Variants in CRYL1 observed in about 807,000 individuals in gnomAD.
CRYL1 encodes lambda-crystallin homolog.
In CRYL1, 29 loss-of-function variants were observed where a neutral mutation model predicts 36.6. The ratio of observed to expected loss-of-function variants is 0.79; its 90% CI spans 0.59 to 1.08. The LOEUF (loss-of-function observed/expected upper bound fraction) is 1.08. Among genes scored for constraint, CRYL1 ranks in the 50% least tolerant of loss-of-function variants. The pLI, the probability that CRYL1 is intolerant of heterozygous loss-of-function variation, is 0.00. For synonymous variants in CRYL1, 152 were observed against 151.5 expected (o/e 1.00, Z -0.02); for missense variants, 411 against 407.9 (o/e 1.01, Z -0.06).
chr13:20,510,992 C>G (rs539625195), intron 2 of CRYL1, among the ~76,000 whole-genome samples: 10 of 152,236 alleles, frequency 6.6e-5, no homozygotes, highest in African/African-American at 2.4e-4. Context: ...TTCTGAAATG[C>G]CAAGTCCCCT....
chr13:20,428,668 G>A (rs960080757), intron 5 of CRYL1, among the ~76,000 whole-genome samples: 6 of 152,166 alleles, frequency 3.9e-5, no homozygotes, highest in Non-Finnish European at 5.9e-5. Flanking sequence ...AATGCAAGCC[G>A]TCCTTCCATC....
chr13:20,447,015 A>G (rs2032470643), intron 3 of CRYL1, among the ~76,000 whole-genome samples: 1 of 152,238 alleles, frequency 6.6e-6, no homozygotes, highest in African/African-American at 2.4e-5. Flanking sequence ...CCAGCAGCTG[A>G]AATGTTCTAG....
intron 3 of CRYL1, among the ~76,000 whole-genome samples, chr13:20,450,710 G>A (rs2032552729): frequency 6.6e-6 from 1 of 152,084 alleles, no homozygotes; most frequent in South Asian, 2.1e-4. Context: ...CCCATTACTG[G>A]ATATATACCC....
Position 20,420,711 on chromosome 13 carries a change from G to GTTTTTTTTTTTT in CRYL1, c.634-7325_634-7324insAAAAAAAAAAAA. ...TCTTTAAAATAGAGGTTGTGTGTGT[G>GTTTTTTTTTTTT]TGTGTGTGTGTGTGTGTGTGTGTGT... On this transcript the variant is annotated intron_variant, in intron 5 of 7. Coordinates refer to ENST00000298248, the MANE Select transcript of CRYL1 (RefSeq NM_015974.3). Among the ~76,000 whole-genome samples, 2 of 32,248 alleles carry GTTTTTTTTTTTT rather than the reference G, an allele frequency of 6.2e-5. 1 individual carries two copies. Among genetic ancestry groups the GTTTTTTTTTTTT allele is most frequent in the Admixed American group, 7.8e-4 (2 of 2,572 alleles). The allele number at this position is 32,248 out of a possible 152,430, so 21.2% of individuals were successfully genotyped here.
At chr13:20,450,644 A>T (rs1299870201) in intron 3 of CRYL1, among the ~76,000 whole-genome samples, 5 of 152,314 alleles carry the variant, frequency 3.3e-5, no homozygotes, top group Non-Finnish European at 4.4e-5. Flanking sequence ...ATTGTGGAAG[A>T]CAGTGTGGCG....
intron 3 of CRYL1, among the ~76,000 whole-genome samples, chr13:20,440,357 G>T (rs2032325669): frequency 6.6e-6 from 1 of 152,184 alleles, no homozygotes; most frequent in Admixed American, 6.5e-5. Flanking sequence ...GTGAAGAAAA[G>T]ATTTTACTTG....
intron 1 of CRYL1, among the ~76,000 whole-genome samples, chr13:20,513,979 C>G (rs1473101103): frequency 6.7e-6 from 1 of 150,154 alleles, no homozygotes; most frequent in Non-Finnish European, 1.5e-5. Flanking sequence ...TAGGAGCTCC[C>G]AATGGCCAAA....
intron 6 of CRYL1, among the ~76,000 whole-genome samples, chr13:20,407,785 T>C (rs1214026666): frequency 6.6e-6 from 1 of 152,250 alleles, no homozygotes; most frequent in East Asian, 1.9e-4. Flanking sequence ...TGAGATTGGA[T>C]GTAGCTTAAC....
intron 2 of CRYL1, among the ~76,000 whole-genome samples, chr13:20,502,649 C>T (rs1042697230): frequency 4.0e-5 from 6 of 151,530 alleles, no homozygotes; most frequent in East Asian, 1.9e-4. Context: ...AGCGAGACTC[C>T]GTCTCAAAAA....
chr13:20,445,517 T>C (rs2032434251), intron 3 of CRYL1, among the ~76,000 whole-genome samples: 1 of 152,174 alleles, frequency 6.6e-6, no homozygotes, highest in African/African-American at 2.4e-5. Context: ...CTAGCCTACC[T>C]GCCTTCTAGT....
At chr13:20,424,610 C>G (rs1224650967) in intron 5 of CRYL1, among the ~76,000 whole-genome samples, 2 of 152,210 alleles carry the variant, frequency 1.3e-5, no homozygotes, top group Non-Finnish European at 2.9e-5. Context: ...CTAAGCGGCA[C>G]CTGGGGCTTT....
rs1395186100 is a variant in CRYL1, at chr13:20,435,334, G to A, written c.439-3038C>T. The stretch of plus-strand genomic sequence containing the variant: ...CAGCGCCCACTGTACAAGGCACACG[G>A]CTGACTAGGACGCAGGGGCCAGCGA... On this transcript the variant is annotated intron_variant, in intron 4 of 7. Coordinates refer to ENST00000298248, the MANE Select transcript of CRYL1 (RefSeq NM_015974.3). The surrounding 1 kb of genome is among the most constrained non-coding windows in gnomAD (Gnocchi z 4.0). Among the ~76,000 whole-genome samples the A allele has an allele frequency of 6.6e-6, 1 of 152,198 alleles. No homozygotes were observed. The highest frequency in any genetic ancestry group is 1.9e-4 in the East Asian group (1 of 5,198).
chr13:20,471,677 G>C (rs1268685935), intron 3 of CRYL1, among the ~76,000 whole-genome samples: 1 of 151,956 alleles, frequency 6.6e-6, no homozygotes, highest in African/African-American at 2.4e-5. Context: ...CAGGTTTCTA[G>C]GTGCTCCTTC....
chr13:20,408,856 A>G (rs182861872), intron 6 of CRYL1, among the ~76,000 whole-genome samples: 1,609 of 152,310 alleles, frequency 0.011, 35 homozygotes, highest in African/African-American at 0.035. Context: ...AAGAGGATAC[A>G]AACAAATGGA....
chr13:20,425,434 G>T lies in CRYL1; in HGVS notation c.633+6668C>A, dbSNP rs2031912361. 6.6e-6 allele frequency among the ~76,000 whole-genome samples: 1 copy of T among 152,222 alleles called. No homozygotes were observed. Among genetic ancestry groups the T allele is most frequent in the Non-Finnish European group, 1.5e-5 (1 of 68,040 alleles). On this transcript the variant is annotated intron_variant, in intron 5 of 7. Transcript: ENST00000298248. This position sits in a 1 kb window ranked among gnomAD's most constrained non-coding sequence, Gnocchi z 4.4. ...CAGGGCACCTGCTCACGTTGACAAT[G>T]ATATTAGTGAAACGGCAGAGCCTCA...
chr13:20,500,329 A>G (rs2033681176), intron 2 of CRYL1, among the ~76,000 whole-genome samples: 1 of 152,232 alleles, frequency 6.6e-6, no homozygotes, highest in African/African-American at 2.4e-5. Flanking sequence ...TCCAGAATTT[A>G]TAAACTATTT....
chr13:20,429,950 G>C (rs2032019078), intron 5 of CRYL1, among the ~76,000 whole-genome samples: 1 of 152,160 alleles, frequency 6.6e-6, no homozygotes, highest in Non-Finnish European at 1.5e-5. Flanking sequence ...CGGAGGTGCT[G>C]CCACTGAGCG....
In CRYL1 at chr13:20,435,148, G is replaced by A. The variant is rs1384954585; in HGVS notation, c.439-2852C>T. The stretch of plus-strand genomic sequence containing the variant: ...CCATGGATTGTTGGTGGTGGTGGCT[G>A]CACACCAGTGAGAATGTCCTTAATG... On this transcript the variant is annotated intron_variant, in intron 4 of 7. Transcript: ENST00000298248. This position sits in a 1 kb window ranked among gnomAD's most constrained non-coding sequence, Gnocchi z 4.0. Among the ~76,000 whole-genome samples the A allele has an allele frequency of 6.6e-6, 1 of 152,208 alleles. No homozygotes were observed. The highest frequency in any genetic ancestry group is 2.4e-5 in the African/African-American group (1 of 41,440).
chr13:20,408,213 C>G (rs1455858275), intron 6 of CRYL1, among the ~76,000 whole-genome samples: 2 of 152,120 alleles, frequency 1.3e-5, no homozygotes, highest in Non-Finnish European at 2.9e-5. Context: ...ACCCGGGCCC[C>G]TCACCTCACC....
Sources: allele counts gnomAD v4.1 joint callset (sites outside exome capture counted in the v4.1 genomes callset), GRCh38; gene constraint gnomAD v4.1.1; non-coding constraint Gnocchi (gnomAD v3.1); transcripts MANE v1.5; gene names NCBI Gene and HGNC (gene_info 2026-07-23, HGNC 2026-07-21).